LDLRAD3: variants seen among roughly 807,000 people sequenced by gnomAD.
LDLRAD3 encodes low-density lipoprotein receptor class A domain-containing protein 3.
Under a neutral mutation model 29.4 loss-of-function variants are expected in LDLRAD3, and 20 were observed. The ratio of observed to expected loss-of-function variants is 0.68; its 90% CI spans 0.48 to 0.99. The LOEUF (loss-of-function observed/expected upper bound fraction) is 0.99, where lower values mean the gene tolerates loss of function less well. Among genes scored for constraint, LDLRAD3 ranks in the 50% least tolerant of loss-of-function variants. The pLI, the probability that LDLRAD3 is intolerant of heterozygous loss-of-function variation, is 0.00. For synonymous variants in LDLRAD3, 157 were observed against 192.7 expected, an observed-to-expected ratio of 0.81 and a Z score of 1.53; for missense variants, 420 against 454.3, an observed-to-expected ratio of 0.92 and a Z score of 0.69.
intron 1 of LDLRAD3, among the ~76,000 whole-genome samples, chr11:35,990,584 T>G (rs201915890): frequency 3.1e-5 from 1 of 32,342 alleles, no homozygotes; most frequent in African/African-American, 5.6e-4. Context: ...AATTTTTGTA[T>G]TTTTTTTTTT....
intron 1 of LDLRAD3, among the ~76,000 whole-genome samples, chr11:35,951,796 C>T (rs1488113598): frequency 1.3e-5 from 2 of 152,148 alleles, no homozygotes; most frequent in Non-Finnish European, 2.9e-5. Flanking sequence ...TAGTACCAGC[C>T]ATGCACATAA....
intron 4 of LDLRAD3, among the ~76,000 whole-genome samples, chr11:36,174,195 C>T (rs1854638626): frequency 6.6e-6 from 1 of 152,320 alleles, no homozygotes; most frequent in African/African-American, 2.4e-5. Context: ...CTTCCTTACA[C>T]CTTACACAAA....
In LDLRAD3 at chr11:36,212,743, A is replaced by C. The variant is rs893564461; in HGVS notation, c.455-14342A>C. Among the ~76,000 whole-genome samples, 16 of 152,242 alleles carry C rather than the reference A, an allele frequency of 1.1e-4. No homozygotes were observed. In the South Asian group the frequency reaches 1.9e-3, roughly 18 times the overall value. On this transcript the variant is annotated intron_variant, in intron 4 of 5. Coordinates refer to ENST00000315571, the MANE Select transcript of LDLRAD3 (RefSeq NM_174902.4). ...CTGAGGGTGTACAGCAGCTCTTAGC[A>C]GGCTTCAAAGAGCTCTGGGACTGCT...
At chr11:36,124,692 T>C (rs1853810426) in intron 4 of LDLRAD3, among the ~76,000 whole-genome samples, 1 of 147,298 alleles carries the variant, frequency 6.8e-6, no homozygotes. Context: ...TTTCCTTTCT[T>C]TTTTTTTTTT....
intron 4 of LDLRAD3, among the ~76,000 whole-genome samples, chr11:36,184,595 T>G (rs12289984): frequency 0.048 from 7,341 of 152,244 alleles, 575 homozygotes; most frequent in African/African-American, 0.16. Flanking sequence ...TCTGACAGGT[T>G]CCTAGGAGTA....
intron 4 of LDLRAD3, among the ~76,000 whole-genome samples, chr11:36,201,106 G>A (rs1590351570): frequency 6.6e-6 from 1 of 152,326 alleles, no homozygotes; most frequent in African/African-American, 2.4e-5. Context: ...GACCAGTAGA[G>A]TTATTTGAAG....
At chr11:36,173,641 A>T (rs1039960147) in intron 4 of LDLRAD3, among the ~76,000 whole-genome samples, 2 of 152,156 alleles carry the variant, frequency 1.3e-5, no homozygotes, top group Admixed American at 1.3e-4. Context: ...ATGCCACAAT[A>T]AACATACATT....
chr11:36,099,155 A>G (rs751031947), intron 4 of LDLRAD3, among the ~76,000 whole-genome samples: 3 of 151,856 alleles, frequency 2.0e-5, no homozygotes, highest in African/African-American at 7.3e-5. Flanking sequence ...TGTCTGGGCT[A>G]TTGATTTTGG....
chr11:36,157,720 G>A (rs1217733955), intron 4 of LDLRAD3, among the ~76,000 whole-genome samples: 1 of 152,198 alleles, frequency 6.6e-6, no homozygotes, highest in Admixed American at 6.5e-5. Context: ...TGGGTGGGAA[G>A]CAGGGTGTCT....
At chr11:36,035,924 C>T (rs1590218576) in intron 1 of LDLRAD3, among the ~76,000 whole-genome samples, 179 bp from the exon 2 acceptor site, 1 of 152,182 alleles carries the variant, frequency 6.6e-6, no homozygotes, top group African/African-American at 2.4e-5. Context: ...CTCTCAGAAT[C>T]TCTGGAGGTG....
intron 4 of LDLRAD3, among the ~76,000 whole-genome samples, chr11:36,219,939 A>G (rs1033871404): frequency 1.3e-5 from 2 of 152,254 alleles, no homozygotes; most frequent in Non-Finnish European, 2.9e-5. Flanking sequence ...ATAAAATACT[A>G]TGTCACAGAA....
rs573279862 is a variant in LDLRAD3 at position 36,065,099 on chromosome 11, T to C, written c.194-16554T>C. Reference sequence around the variant, plus strand: ...TTCAGCCTAGTTATTCTATCCATTATTGAAGATGGAGTACTGAAGTTTCTA... The same window carrying C: ...TTCAGCCTAGTTATTCTATCCATTACTGAAGATGGAGTACTGAAGTTTCTA... On this transcript the variant is annotated intron_variant, in intron 2 of 5. Transcript: ENST00000315571. 1.1e-4 allele frequency among the ~76,000 whole-genome samples: 17 copies of C among 152,350 alleles called. No individual in the cohort carries two copies. The South Asian group carries it at 1.2e-3, about 11-fold the overall frequency.
intron 5 of LDLRAD3, 64 bp from the exon 6 acceptor site, chr11:36,229,096 C>A: frequency 1.7e-6 from 2 of 1,148,426 alleles, no homozygotes; most frequent in Non-Finnish European, 2.6e-6. Flanking sequence ...CTTATCTTGG[C>A]CCTAATGTGT....
chr11:36,170,268 A>G (rs1225743987), intron 4 of LDLRAD3, among the ~76,000 whole-genome samples: 1 of 149,116 alleles, frequency 6.7e-6, no homozygotes, highest in African/African-American at 2.5e-5. Flanking sequence ...ACACATATAT[A>G]TACACATATA....
chr11:36,055,858 A>C (rs576883066), intron 2 of LDLRAD3, among the ~76,000 whole-genome samples: 1 of 152,226 alleles, frequency 6.6e-6, no homozygotes, highest in Admixed American at 6.5e-5. Flanking sequence ...TCCTTGTGAA[A>C]ATACAGAATG....
At chr11:35,998,048 A>C (rs558204291) in intron 1 of LDLRAD3, among the ~76,000 whole-genome samples, 2 of 152,192 alleles carry the variant, frequency 1.3e-5, no homozygotes, top group Non-Finnish European at 2.9e-5. Context: ...GGACAGGGTC[A>C]GGGCGTTCAC....
intron 1 of LDLRAD3, among the ~76,000 whole-genome samples, chr11:35,953,258 G>A (rs1020916762): frequency 2.0e-5 from 3 of 152,138 alleles, no homozygotes; most frequent in Admixed American, 6.5e-5. Flanking sequence ...GAGCGGCCAC[G>A]GGGAGGGAGG....
intron 4 of LDLRAD3, among the ~76,000 whole-genome samples, chr11:36,139,700 G>T (rs1414383098): frequency 6.6e-6 from 1 of 152,220 alleles, no homozygotes; most frequent in Non-Finnish European, 1.5e-5. Context: ...GCCAGTTTCG[G>T]GAGGGCAGCA....
intron 2 of LDLRAD3, among the ~76,000 whole-genome samples, chr11:36,071,321 C>A (rs577936957): frequency 2.0e-5 from 3 of 152,260 alleles, no homozygotes; most frequent in Non-Finnish European, 4.4e-5. Flanking sequence ...GAAGACAATA[C>A]CAGTTCCTCA....
Sources: gnomAD v4.1 joint callset for allele counts (sites outside exome capture counted in the v4.1 genomes callset) on GRCh38, gnomAD v4.1.1 for gene constraint, MANE v1.5 for transcripts, NCBI Gene and HGNC (gene_info 2026-07-23, HGNC 2026-07-21) for gene names.